Variants in AUTS2 observed in about 807,000 individuals in gnomAD.
AUTS2 encodes activator of transcription and developmental regulator AUTS2, also known as autism susceptibility gene 2 protein.
In AUTS2, 17 loss-of-function variants were observed where a neutral mutation model predicts 112.4. That is an observed-to-expected ratio of 0.15 (90% CI 0.10 to 0.23). AUTS2 has a LOEUF of 0.23. Ranked by LOEUF, AUTS2 falls within the 10% of genes least tolerant of loss-of-function variation. AUTS2 has a pLI of 1.00. For missense variants in AUTS2, 1,510 were observed against 1,701.6 expected, an observed-to-expected ratio of 0.89 and a Z score of 1.98; for synonymous variants, 751 against 702.7, an observed-to-expected ratio of 1.07 and a Z score of -1.09.
intron 2 of AUTS2, among the ~76,000 whole-genome samples, chr7:70,031,374 T>G (rs1026716886): frequency 6.6e-6 from 1 of 152,216 alleles, no homozygotes; most frequent in African/African-American, 2.4e-5. Flanking sequence ...GTTAACTGGG[T>G]TTATTAGCTG....
chr7:70,210,738 A>C (rs1265382442), intron 4 of AUTS2, among the ~76,000 whole-genome samples: 2 of 152,114 alleles, frequency 1.3e-5, no homozygotes. Context: ...TAATCAGGAA[A>C]CCCAGTGTCC....
At chr7:69,777,853 A>G (rs1159559422) in intron 1 of AUTS2, among the ~76,000 whole-genome samples, 3 of 152,138 alleles carry the variant, frequency 2.0e-5, no homozygotes, top group Admixed American at 6.6e-5. Flanking sequence ...TTGGCCTTTA[A>G]TCAGGTTTCT....
intron 4 of AUTS2, among the ~76,000 whole-genome samples, chr7:70,182,297 C>T (rs1324232228): frequency 1.3e-5 from 2 of 152,192 alleles, no homozygotes; most frequent in Non-Finnish European, 2.9e-5. Context: ...TCATGCCTCT[C>T]AGTGATATTT....
At chr7:70,579,244 T>A (rs1247346777) in intron 5 of AUTS2, among the ~76,000 whole-genome samples, 14 of 55,894 alleles carry the variant, frequency 2.5e-4, no homozygotes, top group African/African-American at 4.8e-4. Context: ...TTCTCTTTTC[T>A]AAAAAAAAAA....
chr7:70,510,701 GA>G (rs1171837793), intron 5 of AUTS2, among the ~76,000 whole-genome samples: 2 of 151,632 alleles, frequency 1.3e-5, no homozygotes, highest in South Asian at 2.1e-4. Flanking sequence ...AAAGAAAATT[GA>G]AAAAAATGTA....
chr7:69,671,007 A>G (rs1372244614), intron 1 of AUTS2, among the ~76,000 whole-genome samples: 1 of 152,234 alleles, frequency 6.6e-6, no homozygotes, highest in Non-Finnish European at 1.5e-5. Flanking sequence ...AAAGTAAAGG[A>G]AAACTAATTT....
chr7:70,639,876 T>C (rs1283783766), intron 5 of AUTS2, among the ~76,000 whole-genome samples: 1 of 152,168 alleles, frequency 6.6e-6, no homozygotes, highest in African/African-American at 2.4e-5. Context: ...ATTCCCTCTC[T>C]GAGAGGACTA....
intron 5 of AUTS2, among the ~76,000 whole-genome samples, chr7:70,472,056 T>G (rs1454161749): frequency 6.6e-6 from 1 of 152,156 alleles, no homozygotes; most frequent in Non-Finnish European, 1.5e-5. Context: ...CACACAGTGG[T>G]GTGTCCTCCC....
intron 2 of AUTS2, among the ~76,000 whole-genome samples, chr7:69,997,391 A>C (rs1284289345): frequency 6.6e-6 from 1 of 152,162 alleles, no homozygotes; most frequent in African/African-American, 2.4e-5. Context: ...TAAACTGACC[A>C]TCTCAATATG....
intron 5 of AUTS2, among the ~76,000 whole-genome samples, chr7:70,573,990 T>C (rs1238424802): frequency 1.3e-5 from 2 of 152,140 alleles, no homozygotes; most frequent in South Asian, 2.1e-4. Context: ...GGTGTATGTC[T>C]GTGAGCCTGG....
intron 5 of AUTS2, among the ~76,000 whole-genome samples, chr7:70,624,430 C>A (rs1804833075): frequency 6.6e-6 from 1 of 152,116 alleles, no homozygotes; most frequent in African/African-American, 2.4e-5. Flanking sequence ...GTTTTAATAA[C>A]CTTATTGTGT....
intron 3 of AUTS2, among the ~76,000 whole-genome samples, chr7:70,131,467 A>G (rs1013203389): frequency 7.2e-5 from 11 of 152,100 alleles, no homozygotes; most frequent in African/African-American, 2.7e-4. Context: ...GTCTACTTTC[A>G]TGGTTCTTTA....
intron 4 of AUTS2, among the ~76,000 whole-genome samples, chr7:70,257,138 T>C (rs571994992): frequency 6.6e-6 from 1 of 152,226 alleles, no homozygotes. Flanking sequence ...TTCTGTTTTT[T>C]AGTTTTTGTT....
At chr7:70,167,599 C>T (rs528419302) in intron 4 of AUTS2, among the ~76,000 whole-genome samples, 3 of 152,212 alleles carry the variant, frequency 2.0e-5, no homozygotes, top group South Asian at 4.2e-4. Flanking sequence ...TGCCCTTCAA[C>T]AGCAAAATAC....
At chr7:69,667,771 C>A (rs975733134) in intron 1 of AUTS2, among the ~76,000 whole-genome samples, 2 of 152,152 alleles carry the variant, frequency 1.3e-5, no homozygotes, top group Non-Finnish European at 2.9e-5. Flanking sequence ...TCCCCTGGGG[C>A]CCATTCCCAA....
intron 3 of AUTS2, among the ~76,000 whole-genome samples, 157 bp from the exon 4 acceptor site, chr7:70,134,379 G>A (rs149554217): frequency 5.9e-5 from 9 of 152,280 alleles, no homozygotes; most frequent in Admixed American, 5.2e-4. Flanking sequence ...TAAGCAACAC[G>A]GTGTTTGTAT....
intron 5 of AUTS2, among the ~76,000 whole-genome samples, chr7:70,624,369 G>A (rs769626450): frequency 1.3e-5 from 2 of 152,158 alleles, no homozygotes; most frequent in African/African-American, 2.4e-5. Flanking sequence ...AGCCATGGTG[G>A]TTAGAAATTG....
intron 1 of AUTS2, among the ~76,000 whole-genome samples, chr7:69,848,175 A>G (rs1792297218): frequency 6.6e-6 from 1 of 152,060 alleles, no homozygotes; most frequent in South Asian, 2.1e-4. Context: ...CCTTAACATG[A>G]TTGGATTTTG....
At chr7:69,821,894 C>T (rs1182407706) in intron 1 of AUTS2, among the ~76,000 whole-genome samples, 2 of 120,794 alleles carry the variant, frequency 1.7e-5, no homozygotes, top group African/African-American at 3.3e-5. Context: ...CCAGCCTGGG[C>T]GATAGAGTGA....
Sources: allele counts gnomAD v4.1 joint callset (sites outside exome capture counted in the v4.1 genomes callset), GRCh38; gene constraint gnomAD v4.1.1; transcripts MANE v1.5; gene names NCBI Gene and HGNC (gene_info 2026-07-23, HGNC 2026-07-21).